SHROOM2: variants seen among roughly 807,000 people sequenced by gnomAD.
SHROOM2 encodes the protein protein Shroom2.
SHROOM2 carries 33 observed loss-of-function variants against 75.9 expected under a neutral mutation model. The observed-to-expected ratio is 0.43, with a 90% confidence interval of 0.33 to 0.58. SHROOM2 has a LOEUF of 0.58. Ranked by LOEUF, SHROOM2 falls within the 20% of genes least tolerant of loss-of-function variation. The pLI is 0.04. For synonymous variants in SHROOM2, 655 were observed against 663.6 expected (o/e 0.99, Z 0.20); for missense variants, 1,434 against 1,461.2 (o/e 0.98, Z 0.30).
In SHROOM2 at chrX:9,882,178, C is replaced by CTTTTTT. The variant is rs386416608; in HGVS notation, c.317+8388_317+8393dup. ...AACAGCAGTCTGCAATCCCTTGTTG[C>CTTTTTT]TTTTTTTTTTTTTTTTTTGGTATGG... On this transcript the variant is annotated intron_variant, in intron 2 of 9. Transcript: ENST00000380913. Among the ~76,000 whole-genome samples, 15 of 71,011 alleles carry CTTTTTT rather than the reference C, an allele frequency of 2.1e-4. 1 individual carries two copies. Among genetic ancestry groups the CTTTTTT allele is most frequent in the Non-Finnish European group, 3.0e-4 (12 of 40,336 alleles). The allele number at this position is 71,011 out of a possible 115,157, so 61.7% of individuals were successfully genotyped here.
chrX:9,876,092 C>G (rs1391344941), intron 2 of SHROOM2, among the ~76,000 whole-genome samples: 1 of 112,238 alleles, frequency 8.9e-6, no homozygotes, highest in Non-Finnish European at 1.9e-5. Context: ...TGTGTAGAAT[C>G]CCCATTTTGT....
intron 5 of SHROOM2, among the ~76,000 whole-genome samples, chrX:9,931,540 G>A (rs1266476274): frequency 9.0e-6 from 1 of 110,803 alleles, no homozygotes; most frequent in Non-Finnish European, 1.9e-5. Flanking sequence ...TCAGCTACTT[G>A]GGAAGCTGAG....
At position 9,947,124 on chromosome X, in the gene SHROOM2, C is replaced by G; in HGVS notation, c.*187C>G. On this transcript the variant is annotated 3_prime_UTR_variant, in exon 10 of 10. Transcript: ENST00000380913. ...TGATTTATTTAATTTTTTAGTTTCC[C>G]CTTTGATTGCTGAGAGCCATTTTCC... is the stretch of plus-strand genomic sequence containing the variant. 2.1e-6 allele frequency: 1 copy of G among 477,871 alleles called. No individual in the cohort carries two copies. The allele number at this position is 477,871 out of a possible 1,213,427, so 39.4% of individuals were successfully genotyped here. A position where few individuals can be genotyped will look rare whatever the true frequency, so the allele number is the denominator to read the frequency against.
chrX:9,813,026 GGA>G lies in SHROOM2; in HGVS notation c.165+26320_165+26321del, dbSNP rs202043869. ...ATCTGTCTTCTGCACGGGCTAAATG[GGA>G]GAGTTGAACGGGGATGTGGTGGGAA... is the stretch of plus-strand genomic sequence containing the variant. On this transcript the variant is annotated intron_variant, in intron 1 of 9. Transcript: ENST00000380913. Among the ~76,000 whole-genome samples, 827 of 112,138 alleles carry G rather than the reference GGA, an allele frequency of 7.4e-3. 6 individuals are homozygous for G. The highest frequency in any genetic ancestry group is 0.026 in the African/African-American group (795 of 30,933).
intron 2 of SHROOM2, among the ~76,000 whole-genome samples, chrX:9,883,743 T>A (rs1357778901): frequency 1.8e-5 from 2 of 111,390 alleles, no homozygotes; most frequent in East Asian, 5.7e-4. Flanking sequence ...GGAAGAAGCC[T>A]TCCGGAGGAT....
Position 9,786,518 on chromosome X carries a change from C to G in SHROOM2, c.-28C>G. On this transcript the variant is annotated 5_prime_UTR_variant, in exon 1 of 10. Coordinates refer to ENST00000380913, the MANE Select transcript of SHROOM2 (RefSeq NM_001649.4). ...CGGGACTGCCCGGAGTGCATGGGCG[C>G]GGGCCAGGGACGCTGAGCGGTCGCG... The G allele has an allele frequency of 1.2e-6, 1 of 844,470 alleles. No individual in the cohort carries two copies. The highest frequency in any genetic ancestry group is 1.4e-6 in the Non-Finnish European group (1 of 696,116). The allele number at this position is 844,470 out of a possible 1,213,427, so 69.6% of individuals were successfully genotyped here.
At chrX:9,935,842 G>A (rs1351434348) in intron 6 of SHROOM2, among the ~76,000 whole-genome samples, 1 of 111,631 alleles carries the variant, frequency 9.0e-6, no homozygotes, top group Non-Finnish European at 1.9e-5. Flanking sequence ...TCCTAATTTG[G>A]GGTTGTGGAG....
intron 1 of SHROOM2, among the ~76,000 whole-genome samples, chrX:9,815,143 G>T (rs2083811868): frequency 9.0e-6 from 1 of 111,437 alleles, no homozygotes; most frequent in African/African-American, 3.3e-5. Context: ...TATGTATAGA[G>T]TCACTAAACT....
chrX:9,804,621 C>G (rs1251004730), intron 1 of SHROOM2, among the ~76,000 whole-genome samples: 1 of 111,567 alleles, frequency 9.0e-6, no homozygotes, highest in Admixed American at 9.6e-5. Flanking sequence ...AGAGTCTCTG[C>G]TTCAGAAGGT....
At chrX:9,881,840 C>T (rs1872399416) in intron 2 of SHROOM2, among the ~76,000 whole-genome samples, 1 of 112,389 alleles carries the variant, frequency 8.9e-6, no homozygotes, top group South Asian at 3.6e-4. Flanking sequence ...CCCTAAACCT[C>T]GTATCTCTTC....
At chrX:9,840,599 C>T (rs1387330446) in intron 1 of SHROOM2, among the ~76,000 whole-genome samples, 1 of 112,171 alleles carries the variant, frequency 8.9e-6, no homozygotes, top group Non-Finnish European at 1.9e-5. Flanking sequence ...AATGAAAACA[C>T]TCAGAATTCT....
At chrX:9,912,209 A>G (rs1237337883) in intron 5 of SHROOM2, among the ~76,000 whole-genome samples, 2 of 67,212 alleles carry the variant, frequency 3.0e-5, no homozygotes, top group South Asian at 1.3e-3. Flanking sequence ...ACACACACAC[A>G]CACACACACA....
In SHROOM2 at chrX:9,947,883, G is replaced by A. The variant is rs1338956759; in HGVS notation, c.*946G>A. On this transcript the variant is annotated 3_prime_UTR_variant, in exon 10 of 10. Coordinates refer to ENST00000380913, the MANE Select transcript of SHROOM2 (RefSeq NM_001649.4). ...GGCATGAGGGCCACATTCCATGGACGGGAAGACCCCTTCCTCTTCAGAGGT... is the reference window on the plus strand; with the variant it reads ...GGCATGAGGGCCACATTCCATGGACAGGAAGACCCCTTCCTCTTCAGAGGT... 2 of 112,126 alleles carry A rather than the reference G, an allele frequency of 1.8e-5. No individual in the cohort carries two copies. The highest frequency in any genetic ancestry group is 3.2e-5 in the African/African-American group (1 of 30,819). The allele number at this position is 112,126 out of a possible 1,213,427, so 9.2% of individuals were successfully genotyped here.
chrX:9,874,705 A>G (rs1183424237), intron 2 of SHROOM2: 1 of 110,986 alleles, frequency 9.0e-6, no homozygotes, highest in Non-Finnish European at 1.9e-5. Context: ...ACCAGCCAAG[A>G]CAAATTCCTA....
At position 9,937,537 on chromosome X, in the gene SHROOM2, G is replaced by T. The variant is rs760570884; in HGVS notation, c.3991G>T (p.Ala1331Ser). The change falls in exon 7 of 10, where the codon GCC becomes TCC. Residue 1331 changes from alanine to serine, a missense_variant. Physicochemically the swap from Ala to Ser is moderately conservative, Grantham distance 99. Transcript: ENST00000380913. ...REIVGKDKSL[A>S]DILDPSVKIK... ...GATCGTGGGGAAGGATAAGTCCCTG[G>T]CCGACATCCTGGATCCCAGTGTGAA... The T allele has an allele frequency of 6.9e-5, 83 of 1,210,220 alleles. No individual in the cohort carries two copies. In the East Asian group the frequency reaches 2.3e-3, roughly 33 times the overall value.
At chrX:9,930,470 G>A (rs1438221263) in intron 5 of SHROOM2, among the ~76,000 whole-genome samples, 3 of 105,181 alleles carry the variant, frequency 2.9e-5, no homozygotes, top group Non-Finnish European at 5.8e-5. Flanking sequence ...CCCAGATTGT[G>A]CACTCCAGCC....
intron 1 of SHROOM2, among the ~76,000 whole-genome samples, chrX:9,833,105 C>T (rs2083924682): frequency 9.0e-6 from 1 of 111,069 alleles, no homozygotes; most frequent in Non-Finnish European, 1.9e-5. Flanking sequence ...GGCCCTGGGA[C>T]TCTGTTGACT....
chrX:9,869,554 C>T (rs1021989721), intron 1 of SHROOM2, among the ~76,000 whole-genome samples: 5 of 112,128 alleles, frequency 4.5e-5, no homozygotes, highest in African/African-American at 1.6e-4. Context: ...TGAATTCAAT[C>T]GTATAGTGTT....
intron 1 of SHROOM2, among the ~76,000 whole-genome samples, chrX:9,825,933 C>T (rs1465043240): frequency 1.8e-5 from 2 of 112,500 alleles, no homozygotes; most frequent in Admixed American, 1.9e-4. Context: ...CAACACGACA[C>T]ACAACCGTGT....
Sources: gnomAD v4.1 joint callset for allele counts (sites outside exome capture counted in the v4.1 genomes callset) on GRCh38, gnomAD v4.1.1 for gene constraint, MANE v1.5 for transcripts, NCBI Gene and HGNC (gene_info 2026-07-23, HGNC 2026-07-21) for gene names.